The following CADM2 variants were observed in gnomAD, a reference collection of about 807,000 sequenced individuals.
CADM2 encodes the protein cell adhesion molecule 2, also known as immunoglobulin superfamily member 4D.
In CADM2, 12 loss-of-function variants were observed where a neutral mutation model predicts 49.8. That is an observed-to-expected ratio of 0.24 (90% CI 0.15 to 0.39). The LOEUF (loss-of-function observed/expected upper bound fraction) is 0.39, where lower values mean the gene tolerates loss of function less well. Ranked by LOEUF, CADM2 falls within the 10% of genes least tolerant of loss-of-function variation. The probability of loss-of-function intolerance (pLI) is 1.00; values close to 1 mark genes in which losing one functional copy is unlikely to be tolerated. For missense variants in CADM2, 378 were observed against 492.3 expected (o/e 0.77, Z 2.20); for synonymous variants, 214 against 175.4 (o/e 1.22, Z -1.74).
chr3:85,439,809 T>C (rs1355971008), intron 1 of CADM2, among the ~76,000 whole-genome samples: 1 of 152,134 alleles, frequency 6.6e-6, no homozygotes, highest in Non-Finnish European at 1.5e-5. Context: ...AAATTTTCTG[T>C]TCAGAATATT....
chr3:85,944,395 T>G (rs1397408367), intron 7 of CADM2, among the ~76,000 whole-genome samples: 2 of 152,006 alleles, frequency 1.3e-5, no homozygotes, highest in Non-Finnish European at 2.9e-5. Context: ...TATCCAGGAA[T>G]TGAATTCAGC....
chr3:85,554,942 C>G (rs1205128010), intron 1 of CADM2, among the ~76,000 whole-genome samples: 1 of 151,044 alleles, frequency 6.6e-6, no homozygotes, highest in Non-Finnish European at 1.5e-5. Context: ...TCATGAACTC[C>G]CAGCCTCAAA....
At chr3:86,002,940 C>T (rs1469511925) in intron 8 of CADM2, among the ~76,000 whole-genome samples, 2 of 152,060 alleles carry the variant, frequency 1.3e-5, no homozygotes, top group African/African-American at 4.8e-5. Context: ...TATTTGAAAA[C>T]AATAGGCTTA....
intron 5 of CADM2, among the ~76,000 whole-genome samples, chr3:85,894,311 C>T (rs1048718990): frequency 3.3e-5 from 5 of 152,106 alleles, no homozygotes; most frequent in East Asian, 1.9e-4. Context: ...AACACTTGGA[C>T]ACAGGAAGGG....
chr3:85,965,487 A>G (rs1725364852), intron 8 of CADM2, among the ~76,000 whole-genome samples: 1 of 151,444 alleles, frequency 6.6e-6, no homozygotes, highest in African/African-American at 2.4e-5. Flanking sequence ...CTGGTAAGAA[A>G]CTTGCCCATG....
At chr3:85,342,859 C>T (rs1255663810) in intron 1 of CADM2, among the ~76,000 whole-genome samples, 7 of 152,024 alleles carry the variant, frequency 4.6e-5, no homozygotes, top group Admixed American at 1.3e-4. Flanking sequence ...CGTAAAGCAC[C>T]GCTTTCCTAC....
intron 1 of CADM2, among the ~76,000 whole-genome samples, chr3:85,019,553 G>A (rs1431816943): frequency 6.6e-6 from 1 of 152,072 alleles, no homozygotes; most frequent in African/African-American, 2.4e-5. Flanking sequence ...AAAACAATTG[G>A]CCACTCTAAC....
intron 3 of CADM2, among the ~76,000 whole-genome samples, chr3:85,829,669 C>T (rs2074095986): frequency 6.6e-6 from 1 of 151,892 alleles, no homozygotes; most frequent in African/African-American, 2.4e-5. Context: ...TGACATTTCC[C>T]CATTTCTTTG....
intron 1 of CADM2, among the ~76,000 whole-genome samples, chr3:85,299,517 A>G (rs1039981996): frequency 2.6e-5 from 4 of 152,074 alleles, no homozygotes; most frequent in African/African-American, 9.7e-5. Flanking sequence ...TCTAAGGCAG[A>G]AGGAAGACAT....
chr3:85,356,235 G>A (rs1177484058), intron 1 of CADM2, among the ~76,000 whole-genome samples: 1 of 152,010 alleles, frequency 6.6e-6, no homozygotes, highest in African/African-American at 2.4e-5. Context: ...AGTATTCAGG[G>A]ATGTTTTTCT....
chr3:85,085,803 C>T (rs1194239519), intron 1 of CADM2, among the ~76,000 whole-genome samples: 1 of 152,144 alleles, frequency 6.6e-6, no homozygotes, highest in African/African-American at 2.4e-5. Context: ...TCAATTAATT[C>T]CGCAAACTAT....
chr3:85,465,728 G>A (rs548400692), intron 1 of CADM2, among the ~76,000 whole-genome samples: 2 of 151,998 alleles, frequency 1.3e-5, no homozygotes, highest in Admixed American at 6.6e-5. Flanking sequence ...CTAGTCAAAT[G>A]CTTCTTATTG....
chr3:85,210,773 C>G (rs2041759458), intron 1 of CADM2, among the ~76,000 whole-genome samples: 1 of 152,094 alleles, frequency 6.6e-6, no homozygotes, highest in Non-Finnish European at 1.5e-5. Context: ...AACTGCTGAG[C>G]TGAAGTGATC....
chr3:85,850,004 A>C (rs2075033898), intron 3 of CADM2, among the ~76,000 whole-genome samples: 1 of 152,198 alleles, frequency 6.6e-6, no homozygotes, highest in African/African-American at 2.4e-5. Context: ...AGAATAAAAG[A>C]ATTGGTAAAA....
chr3:85,909,840 A>G (rs952384520), intron 5 of CADM2, among the ~76,000 whole-genome samples: 13 of 152,206 alleles, frequency 8.5e-5, no homozygotes, highest in Non-Finnish European at 1.9e-4. Context: ...TTAAAAATAC[A>G]GAAAGGGAAA....
At chr3:85,026,102 G>A (rs2034716325) in intron 1 of CADM2, among the ~76,000 whole-genome samples, 1 of 151,982 alleles carries the variant, frequency 6.6e-6, no homozygotes, top group Non-Finnish European at 1.5e-5. Context: ...CAAGACTTTT[G>A]TAAAAATAAT....
In CADM2 at chr3:85,873,384, C is replaced by T. The variant is rs571553643; in HGVS notation, c.239-9907C>T. The stretch of plus-strand genomic sequence containing the variant: ...GAAAATACTTCAAAAAGTAGGATGT[C>T]AGCCAAACGTGGTGGCTGAGCTGGT... On this transcript the variant is annotated intron_variant, in intron 3 of 9. Transcript: ENST00000383699. 7.2e-5 allele frequency among the ~76,000 whole-genome samples: 11 copies of T among 152,256 alleles called. No homozygotes were observed. In the South Asian group the frequency reaches 1.9e-3, roughly 26 times the overall value.
At chr3:85,609,672 G>A (rs1036131233) in intron 1 of CADM2, among the ~76,000 whole-genome samples, 1 of 152,060 alleles carries the variant, frequency 6.6e-6, no homozygotes, top group African/African-American at 2.4e-5. Flanking sequence ...AATAAGGAAT[G>A]GGGAGATCCA....
intron 2 of CADM2, among the ~76,000 whole-genome samples, chr3:85,755,936 T>G (rs1409589245): frequency 6.6e-6 from 1 of 152,114 alleles, no homozygotes; most frequent in East Asian, 1.9e-4. Flanking sequence ...GCAACTTCCC[T>G]CTTCTCCAGG....
Sources: gnomAD v4.1 joint callset for allele counts (sites outside exome capture counted in the v4.1 genomes callset) on GRCh38, gnomAD v4.1.1 for gene constraint, MANE v1.5 for transcripts, NCBI Gene and HGNC (gene_info 2026-07-23, HGNC 2026-07-21) for gene names.